VPS35: variants seen among roughly 807,000 people sequenced by gnomAD.
VPS35 encodes the protein VPS35 retromer complex component.
Under a neutral mutation model 98.1 loss-of-function variants are expected in VPS35, and 21 were observed. The ratio of observed to expected loss-of-function variants is 0.21; its 90% confidence interval spans 0.15 to 0.31. The LOEUF is 0.31. Ranked by LOEUF, VPS35 falls within the 10% of genes least tolerant of loss-of-function variation. The pLI is 1.00. For missense variants in VPS35, 554 were observed against 950.8 expected (o/e 0.58, Z 5.49); for synonymous variants, 268 against 318.2 (o/e 0.84, Z 1.68).
At chr16:46,662,626 C>T (rs1293841436) in intron 14 of VPS35, 144 bp from the exon 15 acceptor site, 1 of 1,327,284 alleles carries the variant, frequency 7.5e-7, no homozygotes, top group Non-Finnish European at 1.1e-6. Flanking sequence ...TCTTGAGAGC[C>T]ACAGGACACA....
chr16:46,681,662 T>C, intron 3 of VPS35, 162 bp from the exon 4 acceptor site: 1 of 827,584 alleles, frequency 1.2e-6, no homozygotes, highest in Non-Finnish European at 1.9e-6. Flanking sequence ...TTTTCTTACT[T>C]TAAAATAAGG....
intron 13 of VPS35, 59 bp from the exon 14 acceptor site, chr16:46,663,221 T>G: frequency 6.7e-7 from 1 of 1,494,180 alleles, no homozygotes; most frequent in South Asian, 1.2e-5. Flanking sequence ...TGTTCCAGGA[T>G]ATCCATTTTA....
intron 8 of VPS35, 120 bp from the exon 9 acceptor site, chr16:46,674,780 GTTT>G (rs767511812): frequency 1.5e-5 from 15 of 1,000,746 alleles, no homozygotes; most frequent in Non-Finnish European, 2.2e-5. Flanking sequence ...AAAGGTTTTT[GTTT>G]TTTTTGTTTT....
Position 46,661,867 on chromosome 16 carries a change from A to G in VPS35, c.2068-6T>C, listed in dbSNP as rs1029727538. On this transcript the variant is annotated splice_polypyrimidine_tract_variant and splice_region_variant and intron_variant, in intron 15 of 16. Coordinates refer to ENST00000299138, the MANE Select transcript of VPS35 (RefSeq NM_018206.6). This position sits in a 1 kb window ranked among gnomAD's most constrained non-coding sequence, Gnocchi z 4.3. ...ACCCTCTTGCCTCCGTGAAGCTAAA[A>G]TAAAAGGGCAGGGGGACAGTGAAGA... is the stretch of plus-strand genomic sequence containing the variant. The G allele has an allele frequency of 3.7e-6, 6 of 1,614,046 alleles. No homozygotes were observed. Among genetic ancestry groups the G allele is most frequent in the Non-Finnish European group, 5.1e-6 (6 of 1,180,018 alleles).
In VPS35 at chr16:46,681,534, T is replaced by G. The variant is rs1188436435; in HGVS notation, c.200-34A>C. 1.9e-6 allele frequency: 3 copies of G among 1,609,490 alleles called. No homozygotes were observed. In the African/African-American group the frequency reaches 4.0e-5, roughly 22 times the overall value. On this transcript the variant is annotated intron_variant, in intron 3 of 16. Coordinates refer to ENST00000299138, the MANE Select transcript of VPS35 (RefSeq NM_018206.6). Reference sequence around the variant, plus strand: ...TATGATTAAGGACTAAAAATAAAAATAAGCCAACCTAAACAAAACTTTGAA... The same window carrying G: ...TATGATTAAGGACTAAAAATAAAAAGAAGCCAACCTAAACAAAACTTTGAA...
At chr16:46,672,731 T>C (rs1567266127) in intron 10 of VPS35, among the ~76,000 whole-genome samples, 1 of 152,216 alleles carries the variant, frequency 6.6e-6, no homozygotes, top group Non-Finnish European at 1.5e-5. Flanking sequence ...ACAGATGGTA[T>C]AGCTGGAGTT....
Position 46,671,820 on chromosome 16 carries a change from T to C in VPS35, c.1409A>G (p.Asp470Gly). The change falls in exon 12 of 17, where the codon GAT (aspartate) becomes GGT (glycine). Residue 470 changes from aspartate to glycine, a missense_variant. Around this residue, in one of 5 missense-constraint regions of VPS35, gnomAD observed 254 missense variants for 390.1 expected, o/e 0.65. Coordinates refer to ENST00000299138, the MANE Select transcript of VPS35 (RefSeq NM_018206.6). ...GTCTTCTACAGGTTGATCTGGCTGATCTTGAATCAACGTGGATACCAAATT... is the reference window on the plus strand; with the variant it reads ...GTCTTCTACAGGTTGATCTGGCTGACCTTGAATCAACGTGGATACCAAATT... Reference protein sequence around the residue: ...IMNLVSTLIQDQPDQPVEDPD... With the variant: ...IMNLVSTLIQGQPDQPVEDPD... 6.2e-7 allele frequency: 1 copy of C among 1,613,576 alleles called. No homozygotes were observed. Among genetic ancestry groups the C allele is most frequent in the Non-Finnish European group, 8.5e-7 (1 of 1,179,990 alleles).
chr16:46,683,420 C>T, intron 2 of VPS35, 88 bp downstream of exon 2: 1 of 1,243,702 alleles, frequency 8.0e-7, no homozygotes. Flanking sequence ...ATTAGATTTA[C>T]CAGAAACACC....
chr16:46,660,414 G>T lies in VPS35; in HGVS notation c.*58C>A. ...GCACAATCTATGGAAGGGAAACCTA[G>T]CGTAATAAAACCCTCACTGGATGTA... On this transcript the variant is annotated 3_prime_UTR_variant, in exon 17 of 17. Transcript: ENST00000299138. 1 of 1,598,020 alleles carries T rather than the reference G, an allele frequency of 6.3e-7. No homozygotes were observed. Among genetic ancestry groups the T allele is most frequent in the East Asian group, 2.2e-5 (1 of 44,816 alleles).
intron 10 of VPS35, among the ~76,000 whole-genome samples, 174 bp downstream of exon 10, chr16:46,674,139 TA>T (rs1012026273): frequency 6.6e-6 from 1 of 151,998 alleles, no homozygotes; most frequent in African/African-American, 2.4e-5. Context: ...TTCCTTAATA[TA>T]AAAAAACAAG....
chr16:46,678,893 G>A, intron 6 of VPS35, 50 bp downstream of exon 6: 1 of 1,574,810 alleles, frequency 6.3e-7, no homozygotes, highest in Non-Finnish European at 8.7e-7. Context: ...TTAAAAATCA[G>A]ATTTCAGTTT....
intron 13 of VPS35, 94 bp downstream of exon 13, chr16:46,668,835 AC>A: frequency 6.5e-7 from 1 of 1,529,774 alleles, no homozygotes; most frequent in East Asian, 2.3e-5. Context: ...CTATTTTTGT[AC>A]GTTTGAAATT....
At chr16:46,662,076 GC>G in intron 15 of VPS35, 166 bp downstream of exon 15, 2 of 1,340,996 alleles carry the variant, frequency 1.5e-6, no homozygotes, top group Non-Finnish European at 2.1e-6. Flanking sequence ...TATCCTCAAA[GC>G]AGAGGCTTCA....
rs369196817 is a variant in VPS35, at chr16:46,668,986, G to A, written c.1591C>T (p.Pro531Ser). 1.2e-6 allele frequency: 2 copies of A among 1,614,118 alleles called. No individual in the cohort carries two copies. Among genetic ancestry groups the A allele is most frequent in the South Asian group, 2.2e-5 (2 of 91,088 alleles). Residue 531 changes from proline to serine, a missense_variant, in exon 13 of 17, where the codon CCT becomes TCT. Coordinates refer to ENST00000299138, the MANE Select transcript of VPS35 (RefSeq NM_018206.6). ...GNQRIRFTLP[P>S]LVFAAYQLAF... Reference sequence around the variant, plus strand: ...AGCTGGTAAGCTGCAAATACCAAAGGTGGCAGTGTGAAGCGAATCCGCTGA... The same window carrying A: ...AGCTGGTAAGCTGCAAATACCAAAGATGGCAGTGTGAAGCGAATCCGCTGA...
chr16:46,672,365 G>A lies in VPS35; in HGVS notation c.1268C>T (p.Pro423Leu), dbSNP rs373075116. 26 of 1,613,494 alleles carry A rather than the reference G, an allele frequency of 1.6e-5. No homozygotes were observed. In the African/African-American group the frequency reaches 3.5e-4, roughly 22 times the overall value. The change falls in exon 11 of 17, where the codon CCA becomes CTA. Residue 423 changes from proline to leucine, a missense_variant. Transcript: ENST00000299138. ...CTCGTAGTCAAAGTACTCAAAGAGT[G>A]GGTGAAAATGTTTTAATTTCAAGAC... ...LTVLKLKHFH[P>L]LFEYFDYESR...
At chr16:46,670,430 C>T (rs1046015468) in intron 12 of VPS35, among the ~76,000 whole-genome samples, 1 of 151,966 alleles carries the variant, frequency 6.6e-6, no homozygotes, top group African/African-American at 2.4e-5. Flanking sequence ...ATTACAGGCG[C>T]CCACCACCAC....
At chr16:46,682,057 G>A in intron 3 of VPS35, 22 bp downstream of exon 3, 1 of 1,559,394 alleles carries the variant, frequency 6.4e-7, no homozygotes, top group Non-Finnish European at 8.8e-7. Flanking sequence ...CAAATGTTTA[G>A]TCTTCAACAT....
At chr16:46,680,632 A>G in intron 5 of VPS35, 39 bp downstream of exon 5, 1 of 1,601,948 alleles carries the variant, frequency 6.2e-7, no homozygotes, top group Non-Finnish European at 8.5e-7. Context: ...CTACAATGAA[A>G]GAAATATTGC....
In VPS35 at chr16:46,674,628, G is replaced by C. The variant is rs770226984; in HGVS notation, c.947C>G (p.Pro316Arg). 10 of 1,610,712 alleles carry C rather than the reference G, an allele frequency of 6.2e-6. No homozygotes were observed. The East Asian group carries it at 1.3e-4, about 22-fold the overall frequency. The change falls in exon 9 of 17, where the codon CCT becomes CGT. Residue 316 changes from proline (P) to arginine (R), a missense_variant. Physicochemically the swap from Pro to Arg is moderately radical, Grantham distance 103. Coordinates refer to ENST00000299138, the MANE Select transcript of VPS35 (RefSeq NM_018206.6). ...LALFAHREDG[P>R]GIPADIKLFD... ...AAGTTTAATATCCGCTGGGATTCCA[G>C]GTCCATCTTCACGGTGAGCAAATAA...
Sources: allele counts gnomAD v4.1 joint callset (sites outside exome capture counted in the v4.1 genomes callset), GRCh38; gene constraint gnomAD v4.1.1; regional missense constraint gnomAD v4.1.1; non-coding constraint Gnocchi (gnomAD v3.1); transcripts MANE v1.5; gene names NCBI Gene and HGNC (gene_info 2026-07-23, HGNC 2026-07-21).